KCNMA1: variants seen among roughly 807,000 people sequenced by gnomAD.
KCNMA1 encodes potassium calcium-activated channel subfamily M alpha 1.
In KCNMA1, 29 loss-of-function variants were observed where a neutral mutation model predicts 140.0. The observed-to-expected ratio is 0.21, with a 90% CI of 0.15 to 0.28. KCNMA1 has a LOEUF of 0.28. KCNMA1 is among the 10% of genes least tolerant of loss of function. The pLI, the probability that KCNMA1 is intolerant of heterozygous loss-of-function variation, is 1.00. For synonymous variants in KCNMA1, 612 were observed against 611.9 expected (o/e 1.00, Z 0.00); for missense variants, 880 against 1,602.2 (o/e 0.55, Z 7.70).
At chr10:77,336,391 A>G (rs940750822) in intron 2 of KCNMA1, among the ~76,000 whole-genome samples, 7 of 151,974 alleles carry the variant, frequency 4.6e-5, no homozygotes, top group African/African-American at 1.7e-4. Flanking sequence ...GGTTTCATAC[A>G]CTGTGAAATT....
At chr10:77,326,681 G>T (rs903191514) in intron 2 of KCNMA1, among the ~76,000 whole-genome samples, 1 of 152,124 alleles carries the variant, frequency 6.6e-6, no homozygotes, top group Non-Finnish European at 1.5e-5. Flanking sequence ...TCTGGTGGAA[G>T]CTTTACTGAC....
intron 1 of KCNMA1, among the ~76,000 whole-genome samples, chr10:77,487,009 T>C (rs1018450525): frequency 6.6e-6 from 1 of 152,226 alleles, no homozygotes; most frequent in Admixed American, 6.5e-5. Flanking sequence ...TCTTAGCTCA[T>C]GGCAGGTTTC....
chr10:77,147,500 C>T (rs541739326), intron 5 of KCNMA1, among the ~76,000 whole-genome samples: 1 of 152,156 alleles, frequency 6.6e-6, no homozygotes, highest in Non-Finnish European at 1.5e-5. Context: ...CCATTCTTCC[C>T]TCATCCCTTT....
At chr10:77,443,172 G>T (rs2097446498) in intron 1 of KCNMA1, among the ~76,000 whole-genome samples, 1 of 152,182 alleles carries the variant, frequency 6.6e-6, no homozygotes, top group Admixed American at 6.5e-5. Context: ...TCCCAAAAGA[G>T]GGGGAAAGGC....
intron 1 of KCNMA1, among the ~76,000 whole-genome samples, chr10:77,516,864 G>A (rs1258019288): frequency 6.6e-6 from 1 of 152,192 alleles, no homozygotes; most frequent in African/African-American, 2.4e-5. Flanking sequence ...GGTGGAGAGG[G>A]CCTCTCATGC....
chr10:77,383,014 A>G (rs1157516766), intron 2 of KCNMA1, among the ~76,000 whole-genome samples: 4 of 131,298 alleles, frequency 3.0e-5, no homozygotes, highest in African/African-American at 6.0e-5. Flanking sequence ...ATATATATAT[A>G]TATATATATA....
At chr10:77,011,718 A>G (rs898780372) in intron 18 of KCNMA1, among the ~76,000 whole-genome samples, 3 of 152,178 alleles carry the variant, frequency 2.0e-5, no homozygotes, top group Non-Finnish European at 4.4e-5. Flanking sequence ...AGGCACCTCT[A>G]GAGTAAAGAA....
At chr10:76,910,310 A>G in intron 24 of KCNMA1, 1 of 551,276 alleles carries the variant, frequency 1.8e-6, no homozygotes, top group Non-Finnish European at 3.3e-6. Context: ...CCTGGAGAGC[A>G]ATAAGTTCAA....
chr10:77,471,109 C>T (rs2098138288), intron 1 of KCNMA1, among the ~76,000 whole-genome samples: 1 of 151,070 alleles, frequency 6.6e-6, no homozygotes, highest in South Asian at 2.1e-4. Context: ...ACACACCAGA[C>T]ATGTTACATA....
At chr10:77,582,088 T>C (rs770824802) in intron 1 of KCNMA1, among the ~76,000 whole-genome samples, 1 of 152,198 alleles carries the variant, frequency 6.6e-6, no homozygotes, top group African/African-American at 2.4e-5. Flanking sequence ...TGGAAATTTC[T>C]CCAGCAAGAT....
intron 2 of KCNMA1, among the ~76,000 whole-genome samples, chr10:77,400,288 A>G (rs1017580100): frequency 3.9e-5 from 6 of 152,232 alleles, no homozygotes; most frequent in African/African-American, 1.2e-4. Flanking sequence ...CTTTCTGTGC[A>G]GCAGGTCCCA....
At chr10:77,181,161 T>A (rs2098799701) in intron 5 of KCNMA1, among the ~76,000 whole-genome samples, 1 of 152,140 alleles carries the variant, frequency 6.6e-6, no homozygotes. Context: ...AAAGTGCAGA[T>A]TCATGAAGTG....
intron 5 of KCNMA1, among the ~76,000 whole-genome samples, chr10:77,178,376 T>C (rs985009049): frequency 6.6e-6 from 1 of 152,022 alleles, no homozygotes; most frequent in African/African-American, 2.4e-5. Flanking sequence ...TTCCTCCTAC[T>C]CCCTTCTTTA....
intron 1 of KCNMA1, among the ~76,000 whole-genome samples, chr10:77,547,845 C>G (rs920651905): frequency 6.6e-6 from 1 of 152,154 alleles, no homozygotes; most frequent in East Asian, 1.9e-4. Context: ...CAATCCAGCC[C>G]GATGCCTATT....
chr10:77,591,235 G>A (rs114202075), intron 1 of KCNMA1, among the ~76,000 whole-genome samples: 251 of 152,192 alleles, frequency 1.6e-3, no homozygotes, highest in African/African-American at 5.8e-3. Context: ...ACAAGGCCAC[G>A]AGTGAGGCCA....
At chr10:77,028,176 T>C (rs1036715726) in intron 15 of KCNMA1, among the ~76,000 whole-genome samples, 11 of 152,188 alleles carry the variant, frequency 7.2e-5, no homozygotes, top group African/African-American at 2.7e-4. Context: ...CCTGGGGATT[T>C]ACTCTGGGCC....
chr10:77,314,959 C>T (rs1299650639), intron 2 of KCNMA1, among the ~76,000 whole-genome samples: 1 of 115,036 alleles, frequency 8.7e-6, no homozygotes, highest in Non-Finnish European at 1.9e-5. Flanking sequence ...CACACACACA[C>T]ACACACACGA....
At chr10:77,137,752 G>T (rs1290838308) in intron 5 of KCNMA1, among the ~76,000 whole-genome samples, 1 of 152,054 alleles carries the variant, frequency 6.6e-6, no homozygotes, top group Non-Finnish European at 1.5e-5. Context: ...CTTTCCTTTG[G>T]TAATTGTTCA....
At chr10:77,038,380 G>T (rs1251424086) in intron 15 of KCNMA1, among the ~76,000 whole-genome samples, 2 of 152,192 alleles carry the variant, frequency 1.3e-5, no homozygotes, top group East Asian at 3.9e-4. Flanking sequence ...CCTCAGCCCA[G>T]TGAGCTCCCA....
Sources: allele counts gnomAD v4.1 joint callset (sites outside exome capture counted in the v4.1 genomes callset), GRCh38; gene constraint gnomAD v4.1.1; transcripts MANE v1.5; gene names NCBI Gene and HGNC (gene_info 2026-07-23, HGNC 2026-07-21).